HS6ST2: variants seen among roughly 807,000 people sequenced by gnomAD.
HS6ST2 encodes the protein heparan sulfate 6-O-sulfotransferase 2.
In HS6ST2, 17 loss-of-function variants were observed where a neutral mutation model predicts 33.0. That is an observed-to-expected ratio of 0.52 (90% confidence interval 0.35 to 0.77). The LOEUF is 0.77. Ranked by LOEUF, HS6ST2 falls within the 30% of genes least tolerant of loss-of-function variation. HS6ST2 has a pLI of 0.01. For synonymous variants in HS6ST2, 248 were observed against 237.1 expected (o/e 1.05, Z -0.42); for missense variants, 519 against 551.7 (o/e 0.94, Z 0.59).
At chrX:132,716,770 T>C (rs891440102) in intron 2 of HS6ST2, among the ~76,000 whole-genome samples, 2 of 112,516 alleles carry the variant, frequency 1.8e-5, no homozygotes, top group Non-Finnish European at 3.7e-5. Flanking sequence ...AAGGTAAGTA[T>C]ATATATGTGT....
At chrX:132,738,824 T>C (rs1401922168) in intron 2 of HS6ST2, among the ~76,000 whole-genome samples, 1 of 111,893 alleles carries the variant, frequency 8.9e-6, no homozygotes, top group Non-Finnish European at 1.9e-5. Flanking sequence ...TTTCAAGGTC[T>C]AAGAGACGAT....
rs776356441 is a variant in HS6ST2 at position 132,785,083 on chromosome X, T to C, written c.948-76589A>G. 5.3e-5 allele frequency among the ~76,000 whole-genome samples: 6 copies of C among 112,385 alleles called. No individual in the cohort carries two copies. The East Asian group carries it at 8.4e-4, about 16-fold the overall frequency. ...GACTGAAACAATTTGTTGAAACACATTGACAGCTAACAATGTATTAAAAGG... is the reference window on the plus strand; with the variant it reads ...GACTGAAACAATTTGTTGAAACACACTGACAGCTAACAATGTATTAAAAGG... On this transcript the variant is annotated intron_variant, in intron 2 of 4. Coordinates refer to ENST00000370833, the MANE Select transcript of HS6ST2 (RefSeq NM_001394073.1).
chrX:132,642,525 G>A (rs1051967391), intron 4 of HS6ST2, among the ~76,000 whole-genome samples: 1 of 111,908 alleles, frequency 8.9e-6, no homozygotes, highest in African/African-American at 3.2e-5. Context: ...AGGGCTGGCA[G>A]GGTCATGCCT....
chrX:132,668,812 A>T (rs1322635401), intron 4 of HS6ST2, among the ~76,000 whole-genome samples: 1 of 110,549 alleles, frequency 9.0e-6, no homozygotes, highest in East Asian at 2.9e-4. Flanking sequence ...TTGTAATCCA[A>T]CTCTTACATT....
intron 2 of HS6ST2, among the ~76,000 whole-genome samples, chrX:132,850,565 T>C (rs1473437100): frequency 9.0e-6 from 1 of 111,673 alleles, no homozygotes; most frequent in East Asian, 2.8e-4. Flanking sequence ...ATTTCGAATT[T>C]GGTTTACTTG....
chrX:132,639,075 A>T (rs2063582014), intron 4 of HS6ST2, among the ~76,000 whole-genome samples: 1 of 112,174 alleles, frequency 8.9e-6, no homozygotes, highest in African/African-American at 3.2e-5. Flanking sequence ...CAAAGCAGAA[A>T]TTTTTTTCCT....
chrX:132,807,682 C>G (rs1440240087), intron 2 of HS6ST2, among the ~76,000 whole-genome samples: 2 of 112,164 alleles, frequency 1.8e-5, no homozygotes, highest in Admixed American at 9.5e-5. Context: ...AGATTCTTCA[C>G]TGTGAGAAGC....
intron 4 of HS6ST2, among the ~76,000 whole-genome samples, chrX:132,653,501 C>CG (rs1054054792): frequency 1.3e-4 from 14 of 111,521 alleles, no homozygotes; most frequent in African/African-American, 4.6e-4. Context: ...ATAGTGGTGA[C>CG]GGGGGCTTGT....
chrX:132,628,249 T>A lies in HS6ST2; in HGVS notation c.1912A>T (p.Ile638Leu). ...DNTSNGTNDY[I>L]GSVEKWR is the part of the protein sequence containing the mutation. ...TAACGCCATTTCTCTACACTGCCTATGTAGTCGTTGGTGCCATTGCTGGTG... is the reference window on the plus strand; with the variant it reads ...TAACGCCATTTCTCTACACTGCCTAAGTAGTCGTTGGTGCCATTGCTGGTG... Residue 638 changes from isoleucine to leucine, a missense_variant, in exon 5 of 5, where the codon ATA becomes TTA. By Grantham distance (5) the Ile-to-Leu change is conservative. Coordinates refer to ENST00000370833, the MANE Select transcript of HS6ST2 (RefSeq NM_001394073.1). The A allele has an allele frequency of 1.7e-6, 2 of 1,165,935 alleles. No homozygotes were observed. Among genetic ancestry groups the A allele is most frequent in the Non-Finnish European group, 2.3e-6 (2 of 871,469 alleles).
chrX:132,813,874 TACTC>T (rs990859976), intron 2 of HS6ST2, among the ~76,000 whole-genome samples: 8 of 112,107 alleles, frequency 7.1e-5, no homozygotes, highest in Non-Finnish European at 1.5e-4. Context: ...AGTGAATAAA[TACTC>T]AGTTGGATAA....
intron 2 of HS6ST2, among the ~76,000 whole-genome samples, chrX:132,825,755 C>A (rs1602720031): frequency 1.1e-5 from 1 of 94,148 alleles, no homozygotes; most frequent in East Asian, 2.8e-4. Flanking sequence ...TAACTGAGGT[C>A]TCTTAGCCAT....
At chrX:132,929,906 C>A (rs777530453) in intron 2 of HS6ST2, among the ~76,000 whole-genome samples, 27 of 111,348 alleles carry the variant, frequency 2.4e-4, no homozygotes, top group Non-Finnish European at 4.1e-4. Flanking sequence ...GGAAGTCCCC[C>A]GAGGACTCAA....
chrX:132,715,349 C>A (rs969756369), intron 2 of HS6ST2, among the ~76,000 whole-genome samples: 1 of 111,835 alleles, frequency 8.9e-6, no homozygotes, highest in Non-Finnish European at 1.9e-5. Flanking sequence ...GCAGGAGGAG[C>A]GGCTTGAGCC....
At chrX:132,763,498 C>T (rs761660603) in intron 2 of HS6ST2, among the ~76,000 whole-genome samples, 11 of 112,230 alleles carry the variant, frequency 9.8e-5, no homozygotes, top group African/African-American at 2.9e-4. Flanking sequence ...AGTGCAGACT[C>T]GAGATGTTCT....
chrX:132,956,804 T>C lies in HS6ST2; in HGVS notation c.947+4A>G, dbSNP rs1023208232. On this transcript the variant is annotated splice_donor_region_variant and intron_variant, in intron 2 of 4. Transcript: ENST00000370833. The stretch of plus-strand genomic sequence containing the variant: ...GTCCCGCTCGACTACCGGCGCGCAC[T>C]CACCTGGACGGTCTCAGCCTGGCGT... 3.6e-5 allele frequency: 42 copies of C among 1,154,560 alleles called. No individual in the cohort carries two copies. Among genetic ancestry groups the C allele is most frequent in the Non-Finnish European group, 4.7e-5 (41 of 864,894 alleles).
chrX:132,893,617 A>T (rs2066338165), intron 2 of HS6ST2, among the ~76,000 whole-genome samples: 1 of 111,775 alleles, frequency 8.9e-6, no homozygotes, highest in Non-Finnish European at 1.9e-5. Flanking sequence ...ATTGTTCATG[A>T]AGTTCAACAG....
chrX:132,672,309 G>A (rs749157891), intron 3 of HS6ST2, among the ~76,000 whole-genome samples: 2 of 108,569 alleles, frequency 1.8e-5, no homozygotes, highest in Non-Finnish European at 3.8e-5. Context: ...AGATTGGTGG[G>A]GGGGGGTGGG....
chrX:132,866,299 C>T (rs1009203966), intron 2 of HS6ST2, among the ~76,000 whole-genome samples: 20 of 107,350 alleles, frequency 1.9e-4, no homozygotes, highest in Non-Finnish European at 5.8e-5. Flanking sequence ...TAGATAGCAG[C>T]GTTATTTCTG....
At chrX:132,807,726 G>A (rs1440451205) in intron 2 of HS6ST2, among the ~76,000 whole-genome samples, 5 of 112,143 alleles carry the variant, frequency 4.5e-5, no homozygotes, top group East Asian at 2.8e-4. Flanking sequence ...CACGAGGCAC[G>A]ATTTTGGCTG....
Sources: allele counts gnomAD v4.1 joint callset (sites outside exome capture counted in the v4.1 genomes callset), GRCh38; gene constraint gnomAD v4.1.1; transcripts MANE v1.5; gene names NCBI Gene and HGNC (gene_info 2026-07-23, HGNC 2026-07-21).